Variants in TRAM1 observed in about 807,000 individuals in gnomAD.
TRAM1 encodes the protein translocating chain-associated membrane protein 1.
Under a neutral mutation model 48.7 loss-of-function variants are expected in TRAM1, and 17 were observed. That is an observed-to-expected ratio of 0.35 (90% CI 0.24 to 0.52). The LOEUF (loss-of-function observed/expected upper bound fraction) is 0.52, where lower values mean the gene tolerates loss of function less well. Ranked by LOEUF, TRAM1 falls within the 20% of genes least tolerant of loss-of-function variation. The pLI, the probability that TRAM1 is intolerant of heterozygous loss-of-function variation, is 0.94. For synonymous variants in TRAM1, 182 were observed against 154.0 expected, an observed-to-expected ratio of 1.18 and a Z score of -1.34; for missense variants, 351 against 441.5, an observed-to-expected ratio of 0.79 and a Z score of 1.84.
chr8:70,596,089 T>TA (rs1006783272), intron 5 of TRAM1, among the ~76,000 whole-genome samples, 174 bp downstream of exon 5: 30 of 152,036 alleles, frequency 2.0e-4, no homozygotes, highest in African/African-American at 7.2e-4. Flanking sequence ...ATAGAAACAT[T>TA]AAAAAAAGGT....
chr8:70,584,843 G>A (rs982290754), intron 8 of TRAM1, among the ~76,000 whole-genome samples: 3 of 152,004 alleles, frequency 2.0e-5, no homozygotes, highest in Non-Finnish European at 4.4e-5. Flanking sequence ...TCATGAAAAT[G>A]GTCATACTGC....
chr8:70,608,300 C>A lies in TRAM1; in HGVS notation c.-101G>T. The A allele has an allele frequency of 2.1e-6, 3 of 1,436,336 alleles. No individual in the cohort carries two copies. Among genetic ancestry groups the A allele is most frequent in the Non-Finnish European group, 2.7e-6 (3 of 1,093,060 alleles). The allele number at this position is 1,436,336 out of a possible 1,614,324, so 89.0% of individuals were successfully genotyped here. Reference sequence around the variant, plus strand: ...GCCTCCCGCTGGCTGCTCCTCACGGCCCCGCTGCAGCCGCTCGCTGGGGCT... The same window carrying A: ...GCCTCCCGCTGGCTGCTCCTCACGGACCCGCTGCAGCCGCTCGCTGGGGCT... On this transcript the variant is annotated 5_prime_UTR_variant, in exon 1 of 11. Coordinates refer to ENST00000262213, the MANE Select transcript of TRAM1 (RefSeq NM_014294.6).
intron 2 of TRAM1, among the ~76,000 whole-genome samples, chr8:70,599,568 T>G (rs1227046001): frequency 6.6e-6 from 1 of 152,174 alleles, no homozygotes; most frequent in Non-Finnish European, 1.5e-5. Context: ...ATCAAAATAA[T>G]TGTTAAAAGT....
chr8:70,596,296 A>G lies in TRAM1; in HGVS notation c.452T>C (p.Ile151Thr). 1 of 1,601,290 alleles carries G rather than the reference A, an allele frequency of 6.2e-7. No homozygotes were observed. The part of the protein sequence containing the change: ...ISENYISDPT[I>T]LWRAYPHNLM... The stretch of plus-strand genomic sequence containing the variant: ...GTTATGGGGATAAGCCCTCCATAAG[A>G]TAGTTGGGTCTGAGATGTAGTTTTC... Residue 151 changes from isoleucine (I) to threonine (T), a missense_variant, in exon 5 of 11, where the codon ATC becomes ACC. Physicochemically the swap from Ile to Thr is moderately conservative, Grantham distance 89. Transcript: ENST00000262213.
At chr8:70,582,716 G>C (rs1021925623) in intron 10 of TRAM1, among the ~76,000 whole-genome samples, 3 of 152,008 alleles carry the variant, frequency 2.0e-5, no homozygotes, top group Non-Finnish European at 4.4e-5. Flanking sequence ...GAAAAAAGAG[G>C]TTAAATGAAG....
chr8:70,581,500 C>T (rs1817073468), intron 10 of TRAM1, among the ~76,000 whole-genome samples: 1 of 152,158 alleles, frequency 6.6e-6, no homozygotes. Flanking sequence ...AACTGAGTAT[C>T]AAGATGCTAA....
In TRAM1 at chr8:70,607,861, G is replaced by A. The variant is rs889398730; in HGVS notation, c.123+216C>T. 2.4e-5 allele frequency: 11 copies of A among 452,066 alleles called. No individual in the cohort carries two copies. In the Middle Eastern group the frequency reaches 1.9e-3, roughly 77 times the overall value. The allele number at this position is 452,066 out of a possible 1,614,324, so 28.0% of individuals were successfully genotyped here. ...CCCACCCCCTGCGGGCCGCGATGAG[G>A]CCCACCGGGACTTTGCATCTCCGGG... On this transcript the variant is annotated intron_variant, in intron 1 of 10. Transcript: ENST00000262213.
chr8:70,584,352 A>G (rs1817156853), intron 8 of TRAM1, among the ~76,000 whole-genome samples: 1 of 152,210 alleles, frequency 6.6e-6, no homozygotes, highest in Admixed American at 6.5e-5. Flanking sequence ...ATTCTCATTT[A>G]AGAGTCCCAG....
chr8:70,594,236 T>C (rs1817430611), intron 6 of TRAM1, among the ~76,000 whole-genome samples: 2 of 149,446 alleles, frequency 1.3e-5, no homozygotes, highest in Admixed American at 1.3e-4. Context: ...ACATTACCAC[T>C]AACATAATTT....
At chr8:70,579,147 T>C (rs1302214038) in intron 10 of TRAM1, among the ~76,000 whole-genome samples, 7 of 152,240 alleles carry the variant, frequency 4.6e-5, no homozygotes, top group African/African-American at 1.2e-4. Context: ...GATTTCATCA[T>C]TGTATGAACA....
chr8:70,597,636 C>T (rs1478896859), intron 4 of TRAM1, among the ~76,000 whole-genome samples: 1 of 131,754 alleles, frequency 7.6e-6, no homozygotes, highest in Non-Finnish European at 1.5e-5. Context: ...TGCCACTGCA[C>T]TCCAGCCTGG....
At chr8:70,604,126 C>T (rs929779766) in intron 1 of TRAM1, among the ~76,000 whole-genome samples, 5 of 152,176 alleles carry the variant, frequency 3.3e-5, no homozygotes, top group Non-Finnish European at 7.3e-5. Context: ...AGCTGCTCTC[C>T]ATTTACAAAA....
At chr8:70,598,367 T>A in intron 2 of TRAM1, 112 bp from the exon 3 acceptor site, 1 of 1,012,464 alleles carries the variant, frequency 9.9e-7, no homozygotes, top group African/African-American at 1.7e-5. Flanking sequence ...AAAAAAGTTC[T>A]ATATTAACAT....
chr8:70,606,883 G>A, intron 1 of TRAM1: 1 of 984,382 alleles, frequency 1.0e-6, no homozygotes, highest in Non-Finnish European at 1.2e-6. Flanking sequence ...TCACCTTTTG[G>A]TCACTGGTAA....
intron 10 of TRAM1, among the ~76,000 whole-genome samples, chr8:70,576,886 T>A (rs1450462316): frequency 2.0e-5 from 3 of 152,156 alleles, no homozygotes; most frequent in African/African-American, 7.2e-5. Flanking sequence ...TGGAAGTGCC[T>A]GCTCCCACTG....
At chr8:70,575,108 T>C in intron 10 of TRAM1, 103 bp from the exon 11 acceptor site, 1 of 801,032 alleles carries the variant, frequency 1.2e-6, no homozygotes, top group Non-Finnish European at 1.9e-6. Flanking sequence ...TAAAATCCAA[T>C]TCACTCAGGT....
chr8:70,588,203 C>T (rs1031893146), intron 6 of TRAM1, among the ~76,000 whole-genome samples: 1 of 152,020 alleles, frequency 6.6e-6, no homozygotes, highest in African/African-American at 2.4e-5. Context: ...GGTGACAGAG[C>T]AAGACTCTGT....
Position 70,574,386 on chromosome 8 carries a change from T to C in TRAM1, c.*546A>G. ...GGATGTAATACTAATAACCACTACC[T>C]ATAAAATAAAGCACACAATTGTTCC... On this transcript the variant is annotated 3_prime_UTR_variant, in exon 11 of 11. Transcript: ENST00000262213. 4.1e-6 allele frequency: 1 copy of C among 241,228 alleles called. No individual in the cohort carries two copies. The highest frequency in any genetic ancestry group is 4.4e-5 in the South Asian group (1 of 22,768). The allele number at this position is 241,228 out of a possible 1,614,324, so 14.9% of individuals were successfully genotyped here. A position where few individuals can be genotyped will look rare whatever the true frequency, so the allele number is the denominator to read the frequency against.
chr8:70,575,123 T>TTTAC, intron 10 of TRAM1, 118 bp from the exon 11 acceptor site: 3 of 684,510 alleles, frequency 4.4e-6, no homozygotes, highest in South Asian at 2.2e-5. Flanking sequence ...TCAGGTGAAA[T>TTTAC]TTACTTACCA....
Sources: allele counts gnomAD v4.1 joint callset (sites outside exome capture counted in the v4.1 genomes callset), GRCh38; gene constraint gnomAD v4.1.1; transcripts MANE v1.5; gene names NCBI Gene and HGNC (gene_info 2026-07-23, HGNC 2026-07-21).